The following SLC25A21 variants were observed in gnomAD, a reference collection of about 807,000 sequenced individuals.
The protein encoded by SLC25A21 is mitochondrial 2-oxodicarboxylate carrier.
In SLC25A21, 47 loss-of-function variants were observed where a neutral mutation model predicts 43.8. That is an observed-to-expected ratio of 1.07 (90% confidence interval 0.85 to 1.37). SLC25A21 has a LOEUF of 1.37. Ranked by LOEUF, SLC25A21 falls within the 40% of genes most tolerant of loss-of-function variation. SLC25A21 has a pLI of 0.00. For synonymous variants in SLC25A21, 131 were observed against 121.3 expected (o/e 1.08, Z -0.52); for missense variants, 352 against 350.2 (o/e 1.00, Z -0.04).
At chr14:37,076,164 C>A (rs929153576) in intron 1 of SLC25A21, among the ~76,000 whole-genome samples, 4 of 151,980 alleles carry the variant, frequency 2.6e-5, no homozygotes, top group African/African-American at 9.7e-5. Context: ...TTTTTTCTTT[C>A]TTCTTCTTTT....
At chr14:36,762,000 C>A (rs1237767745) in intron 3 of SLC25A21, among the ~76,000 whole-genome samples, 1 of 152,146 alleles carries the variant, frequency 6.6e-6, no homozygotes, top group Non-Finnish European at 1.5e-5. Context: ...TTCATTTTAT[C>A]TTGTCAAAAT....
chr14:36,774,742 T>A (rs964894969), intron 3 of SLC25A21, among the ~76,000 whole-genome samples: 1 of 152,110 alleles, frequency 6.6e-6, no homozygotes, highest in Non-Finnish European at 1.5e-5. Flanking sequence ...ATTTGTTATT[T>A]TTTGTAGAGA....
intron 2 of SLC25A21, among the ~76,000 whole-genome samples, chr14:36,867,249 T>C (rs2138542206): frequency 6.6e-6 from 1 of 152,300 alleles, no homozygotes; most frequent in Non-Finnish European, 1.5e-5. Context: ...AAGTAATGTC[T>C]CCCTTTTTAT....
At chr14:37,012,764 C>A (rs1350032938) in intron 1 of SLC25A21, among the ~76,000 whole-genome samples, 1 of 152,188 alleles carries the variant, frequency 6.6e-6, no homozygotes, top group Non-Finnish European at 1.5e-5. Context: ...AGATCAAACA[C>A]TTAGGACACT....
At chr14:36,699,963 AACCAGTCCC>A (rs1883209428) in intron 7 of SLC25A21, among the ~76,000 whole-genome samples, 1 of 152,118 alleles carries the variant, frequency 6.6e-6, no homozygotes, top group Admixed American at 6.5e-5. Context: ...CCCACTGTCC[AACCAGTCCC>A]AGTGAGATGA....
At chr14:36,772,582 T>C (rs528499439) in intron 3 of SLC25A21, among the ~76,000 whole-genome samples, 42 of 152,268 alleles carry the variant, frequency 2.8e-4, no homozygotes, top group African/African-American at 9.4e-4. Flanking sequence ...AAAAATCTGA[T>C]TGGAGAGGGA....
intron 1 of SLC25A21, among the ~76,000 whole-genome samples, chr14:37,119,327 T>A (rs1370430003): frequency 6.6e-6 from 1 of 152,064 alleles, no homozygotes; most frequent in East Asian, 1.9e-4. Context: ...GGCAGGTGGA[T>A]CACTTGAGGT....
intron 1 of SLC25A21, among the ~76,000 whole-genome samples, chr14:37,102,904 G>T (rs1297328559): frequency 2.6e-5 from 4 of 151,734 alleles, no homozygotes; most frequent in South Asian, 4.2e-4. Flanking sequence ...AGAATCGCTT[G>T]AACCCAGGAG....
chr14:36,933,844 C>T (rs1384008803), intron 1 of SLC25A21, among the ~76,000 whole-genome samples: 2 of 152,260 alleles, frequency 1.3e-5, no homozygotes, highest in East Asian at 3.9e-4. Flanking sequence ...AGTAGAGTTT[C>T]CTTTCTCTTT....
At chr14:36,746,750 T>A (rs1005101639) in intron 3 of SLC25A21, among the ~76,000 whole-genome samples, 3 of 152,114 alleles carry the variant, frequency 2.0e-5, no homozygotes, top group Admixed American at 2.0e-4. Context: ...AAAGTAACTA[T>A]CATTCACATT....
chr14:37,143,256 C>A (rs1411907026), intron 1 of SLC25A21, among the ~76,000 whole-genome samples: 1 of 152,158 alleles, frequency 6.6e-6, no homozygotes, highest in Non-Finnish European at 1.5e-5. Flanking sequence ...CTTACGAAAG[C>A]AAAATATCAA....
intron 2 of SLC25A21, among the ~76,000 whole-genome samples, chr14:36,842,885 G>A (rs545021790): frequency 3.3e-5 from 5 of 152,086 alleles, no homozygotes; most frequent in South Asian, 2.1e-4. Context: ...GACTGATTTC[G>A]TGGAAGACAA....
intron 6 of SLC25A21, among the ~76,000 whole-genome samples, chr14:36,723,159 A>G (rs866632514): frequency 5.9e-5 from 9 of 152,230 alleles, no homozygotes; most frequent in African/African-American, 1.9e-4. Context: ...GATACTAGCA[A>G]AAATGACCAG....
chr14:36,907,709 T>A (rs1204015099), intron 1 of SLC25A21, among the ~76,000 whole-genome samples: 4 of 152,116 alleles, frequency 2.6e-5, no homozygotes, highest in Non-Finnish European at 4.4e-5. Flanking sequence ...CTTATCAGAC[T>A]GGATGATATT....
chr14:37,021,046 A>G (rs1960974887), intron 1 of SLC25A21, among the ~76,000 whole-genome samples: 1 of 151,934 alleles, frequency 6.6e-6, no homozygotes, highest in Admixed American at 6.6e-5. Flanking sequence ...CTGCACTGGC[A>G]ATGTATTTAG....
At chr14:37,026,963 C>T (rs558186136) in intron 1 of SLC25A21, among the ~76,000 whole-genome samples, 76 of 152,144 alleles carry the variant, frequency 5.0e-4, no homozygotes, top group African/African-American at 1.7e-3. Flanking sequence ...GGAGAAAAAA[C>T]GGTGCTAACA....
intron 1 of SLC25A21, among the ~76,000 whole-genome samples, chr14:37,081,205 T>A (rs953278044): frequency 1.3e-5 from 2 of 152,192 alleles, no homozygotes; most frequent in Non-Finnish European, 2.9e-5. Context: ...AATACAGGCA[T>A]TACAATGTTA....
chr14:36,836,692 T>A (rs1464065874), intron 2 of SLC25A21, among the ~76,000 whole-genome samples: 1 of 152,030 alleles, frequency 6.6e-6, no homozygotes, highest in Non-Finnish European at 1.5e-5. Context: ...GGTAAGAAAA[T>A]GAGCAGGTGG....
At chr14:37,119,222 C>T (rs938393766) in intron 1 of SLC25A21, among the ~76,000 whole-genome samples, 3 of 152,088 alleles carry the variant, frequency 2.0e-5, no homozygotes, top group Non-Finnish European at 4.4e-5. Flanking sequence ...TCACAGAAAA[C>T]TCATAAATCC....
Sources: gnomAD v4.1 joint callset for allele counts (sites outside exome capture counted in the v4.1 genomes callset) on GRCh38, gnomAD v4.1.1 for gene constraint, MANE v1.5 for transcripts, NCBI Gene and HGNC (gene_info 2026-07-23, HGNC 2026-07-21) for gene names.